The following DZANK1 variants were observed in gnomAD, a reference collection of about 807,000 sequenced individuals.
DZANK1 encodes the protein double zinc ribbon and ankyrin repeat domains 1.
In DZANK1, 91 loss-of-function variants were observed where a neutral mutation model predicts 94.5. That is an observed-to-expected ratio of 0.96 (90% confidence interval 0.81 to 1.15). The LOEUF is 1.15. DZANK1 is among the 50% of genes most tolerant of loss of function. DZANK1 has a pLI of 0.00. For missense variants in DZANK1, 903 were observed against 916.4 expected (o/e 0.99, Z 0.19); for synonymous variants, 312 against 325.3 (o/e 0.96, Z 0.44).
At chr20:18,394,991 C>T (rs779500387) in intron 15 of DZANK1, 17 of 409,354 alleles carry the variant, frequency 4.2e-5, no homozygotes, top group Non-Finnish European at 7.5e-5. Context: ...TGCACCCTCA[C>T]GTGGCTGCCT....
intron 7 of DZANK1, among the ~76,000 whole-genome samples, chr20:18,446,064 CAAAA>C (rs144762783): frequency 8.0e-6 from 1 of 124,660 alleles, no homozygotes. Flanking sequence ...CACGCCCAGC[CAAAA>C]AAAAAAAAAA....
intron 14 of DZANK1, 91 bp downstream of exon 14, chr20:18,398,432 A>C: frequency 1.8e-6 from 2 of 1,138,882 alleles, no homozygotes; most frequent in Non-Finnish European, 2.7e-6. Context: ...GAAAGGAGCC[A>C]GGCAAGATGC....
At chr20:18,389,875 A>C in intron 18 of DZANK1, 47 bp from the exon 19 acceptor site, 1 of 1,608,546 alleles carries the variant, frequency 6.2e-7, no homozygotes, top group African/African-American at 1.3e-5. Context: ...CCCTGCACTC[A>C]ACAGCATCCA....
intron 7 of DZANK1, among the ~76,000 whole-genome samples, chr20:18,445,463 A>T (rs1049724545): frequency 1.3e-5 from 2 of 152,244 alleles, no homozygotes; most frequent in African/African-American, 4.8e-5. Context: ...GATAGAGAAG[A>T]CTTAAACAAT....
rs555937889 is a variant in DZANK1, at chr20:18,404,960, G to A, written c.1433-6334C>T. Among the ~76,000 whole-genome samples the A allele has an allele frequency of 2.0e-5, 3 of 151,812 alleles. No individual in the cohort carries two copies. In the South Asian group the frequency reaches 6.3e-4, roughly 32 times the overall value. Reference sequence around the variant, plus strand: ...AAATTATGATGCATTTCAGAAGGCTGAGGTGGGAGGATTGCTTGAGGCCAG... The same window carrying A: ...AAATTATGATGCATTTCAGAAGGCTAAGGTGGGAGGATTGCTTGAGGCCAG... On this transcript the variant is annotated intron_variant, in intron 13 of 20. Transcript: ENST00000262547.
At chr20:18,435,288 A>T (rs1248739201) in intron 8 of DZANK1, among the ~76,000 whole-genome samples, 1 of 152,202 alleles carries the variant, frequency 6.6e-6, no homozygotes, top group East Asian at 1.9e-4. Flanking sequence ...CTTAAATATA[A>T]GAGAAAGGAA....
chr20:18,465,499 T>C (rs2059617913), intron 1 of DZANK1, 122 bp from the exon 2 acceptor site: 1 of 363,930 alleles, frequency 2.7e-6, no homozygotes, highest in Non-Finnish European at 4.9e-6. Context: ...ACAAATATTA[T>C]TCCCTTTTTA....
intron 2 of DZANK1, among the ~76,000 whole-genome samples, chr20:18,461,773 T>C (rs895416762): frequency 6.6e-6 from 1 of 152,146 alleles, no homozygotes; most frequent in African/African-American, 2.4e-5. Context: ...CTAATTTTTG[T>C]ATTTTTAGTA....
chr20:18,419,371 T>G (rs138316159), intron 10 of DZANK1, among the ~76,000 whole-genome samples: 2,493 of 148,640 alleles, frequency 0.017, 27 homozygotes, highest in African/African-American at 0.019. Context: ...ATGAGTGGAG[T>G]AGAAAAATAA....
intron 5 of DZANK1, among the ~76,000 whole-genome samples, 190 bp downstream of exon 5, chr20:18,453,541 C>T (rs2059179648): frequency 6.6e-6 from 1 of 152,196 alleles, no homozygotes; most frequent in East Asian, 1.9e-4. Flanking sequence ...GGTTGGACTG[C>T]TTGATCCTCC....
At chr20:18,464,684 T>C (rs1226532763) in intron 2 of DZANK1, among the ~76,000 whole-genome samples, 9 of 144,068 alleles carry the variant, frequency 6.2e-5, no homozygotes, top group Non-Finnish European at 1.2e-4. Flanking sequence ...TTTTTTTTTT[T>C]TTTTTTTTTG....
chr20:18,411,557 A>C (rs953734026), intron 13 of DZANK1, among the ~76,000 whole-genome samples: 12 of 152,190 alleles, frequency 7.9e-5, no homozygotes, highest in African/African-American at 2.9e-4. Context: ...AATAATAGTT[A>C]ATACCAATTC....
chr20:18,409,583 C>CACACACACACACACACA (rs1555858807), intron 13 of DZANK1, among the ~76,000 whole-genome samples: 2 of 140,840 alleles, frequency 1.4e-5, no homozygotes, highest in Non-Finnish European at 3.1e-5. Flanking sequence ...CACACACACA[C>CACACACACACACACACA]CACCACCACC....
chr20:18,412,852 G>T (rs1347597686), intron 12 of DZANK1: 1 of 1,613,382 alleles, frequency 6.2e-7, no homozygotes, highest in Non-Finnish European at 8.5e-7. Context: ...GGCACATCGG[G>T]GCCATGCGTG....
exon 7 of DZANK1, chr20:18,449,043 A>C (rs1252660395): frequency 6.2e-7 from 1 of 1,613,724 alleles, no homozygotes; most frequent in Non-Finnish European, 8.5e-7. Context: ...AACACTTCTG[A>C]CCGCTTACGT....
At chr20:18,456,160 G>A (rs2059278837) in intron 3 of DZANK1, among the ~76,000 whole-genome samples, 1 of 152,166 alleles carries the variant, frequency 6.6e-6, no homozygotes, top group South Asian at 2.1e-4. Flanking sequence ...TGTTGCCTAG[G>A]TCATTCCACA....
At chr20:18,455,210 A>G in intron 4 of DZANK1, 37 bp downstream of exon 4, 4 of 1,507,710 alleles carry the variant, frequency 2.7e-6, no homozygotes, top group Non-Finnish European at 3.6e-6. Context: ...ACCAAAATAC[A>G]GTGACAATCT....
chr20:18,411,350 G>A (rs1484418021), intron 13 of DZANK1, among the ~76,000 whole-genome samples: 1 of 152,166 alleles, frequency 6.6e-6, no homozygotes, highest in Middle Eastern at 3.4e-3. Context: ...GATTATAAAA[G>A]AGTATCACAA....
intron 18 of DZANK1, 103 bp from the exon 19 acceptor site, chr20:18,389,931 G>A: frequency 6.6e-7 from 1 of 1,511,934 alleles, no homozygotes; most frequent in South Asian, 1.3e-5. Flanking sequence ...CAGAGCTGAT[G>A]CAACTAAAGT....
Sources: gnomAD v4.1 joint callset for allele counts (sites outside exome capture counted in the v4.1 genomes callset) on GRCh38, gnomAD v4.1.1 for gene constraint, MANE v1.5 for transcripts, NCBI Gene and HGNC (gene_info 2026-07-23, HGNC 2026-07-21) for gene names.